RAD51B: variants seen among roughly 807,000 people sequenced by gnomAD.
The protein encoded by RAD51B is DNA repair protein RAD51 homolog 2.
RAD51B carries 38 observed loss-of-function variants against 42.2 expected under a neutral mutation model. That is an observed-to-expected ratio of 0.90 (90% CI 0.70 to 1.18). The LOEUF (loss-of-function observed/expected upper bound fraction) is 1.18, where lower values mean the gene tolerates loss of function less well. Ranked by LOEUF, RAD51B falls within the 50% of genes most tolerant of loss-of-function variation. The pLI is 0.00. For synonymous variants in RAD51B, 154 were observed against 145.2 expected (o/e 1.06, Z -0.43); for missense variants, 373 against 400.7 (o/e 0.93, Z 0.59).
intron 7 of RAD51B, among the ~76,000 whole-genome samples, chr14:68,245,310 G>A (rs1488402837): frequency 6.6e-6 from 1 of 152,222 alleles, no homozygotes; most frequent in Non-Finnish European, 1.5e-5. Flanking sequence ...GAGTCAAATA[G>A]ACTTGCAACT....
At chr14:68,542,948 T>G (rs954197716) in intron 10 of RAD51B, among the ~76,000 whole-genome samples, 6 of 152,222 alleles carry the variant, frequency 3.9e-5, no homozygotes, top group African/African-American at 1.2e-4. Flanking sequence ...CTTTAATAAC[T>G]CCATTCTTTT....
At chr14:68,595,546 G>A in exon 11 of RAD51B, 1 of 1,066,686 alleles carries the variant, frequency 9.4e-7, no homozygotes, top group Non-Finnish European at 1.1e-6. Context: ...CCCATCAAAT[G>A]ACCAATGGCT....
At chr14:68,185,104 T>C (rs2079131472) in intron 7 of RAD51B, among the ~76,000 whole-genome samples, 1 of 152,168 alleles carries the variant, frequency 6.6e-6, no homozygotes, top group Non-Finnish European at 1.5e-5. Flanking sequence ...TCCTTTTGTA[T>C]TTACTACTTC....
intron 7 of RAD51B, among the ~76,000 whole-genome samples, chr14:68,019,294 G>A (rs1170139260): frequency 3.9e-5 from 6 of 152,176 alleles, no homozygotes; most frequent in African/African-American, 1.4e-4. Context: ...TGCTAGAATG[G>A]TGGCAGTGGC....
At chr14:68,199,984 G>T (rs548560707) in intron 7 of RAD51B, among the ~76,000 whole-genome samples, 90 of 152,304 alleles carry the variant, frequency 5.9e-4, no homozygotes, top group Non-Finnish European at 1.1e-3. Context: ...ACAGAAGTGG[G>T]AGTACCCTTT....
At chr14:68,081,012 T>G (rs1419894302) in intron 7 of RAD51B, among the ~76,000 whole-genome samples, 1 of 151,954 alleles carries the variant, frequency 6.6e-6, no homozygotes, top group Non-Finnish European at 1.5e-5. Flanking sequence ...ATGTAGGGAG[T>G]CCAGTGAGAG....
At chr14:68,536,588 T>C (rs1198386036) in intron 10 of RAD51B, among the ~76,000 whole-genome samples, 1 of 152,226 alleles carries the variant, frequency 6.6e-6, no homozygotes, top group Non-Finnish European at 1.5e-5. Context: ...CATAAATGTT[T>C]CCTGGTAGCT....
Position 68,414,129 on chromosome 14 carries a change from G to C in RAD51B, c.957+2602G>C, listed in dbSNP as rs555269716. ...CAGACCTTCAAGCCGATTAACCCAA[G>C]AGCTGAATTGTGTTGTCTGAGGGAA... On this transcript the variant is annotated intron_variant, in intron 9 of 10. Transcript: ENST00000471583. Among the ~76,000 whole-genome samples, 7 of 152,284 alleles carry C rather than the reference G, an allele frequency of 4.6e-5. No homozygotes were observed. The East Asian group carries it at 1.3e-3, about 29-fold the overall frequency.
At chr14:68,250,975 G>T (rs1443136553) in intron 7 of RAD51B, among the ~76,000 whole-genome samples, 1 of 152,180 alleles carries the variant, frequency 6.6e-6, no homozygotes, top group Non-Finnish European at 1.5e-5. Context: ...ATGTCCTTCA[G>T]TGTCAGTTTA....
intron 10 of RAD51B, among the ~76,000 whole-genome samples, chr14:68,590,906 C>T (rs1595005886): frequency 2.0e-5 from 3 of 152,252 alleles, no homozygotes; most frequent in Admixed American, 2.0e-4. Context: ...CATGGAGGGG[C>T]CTTTATAGAT....
intron 10 of RAD51B, chr14:68,545,520 A>G (rs1217388000): frequency 2.2e-6 from 1 of 455,794 alleles, no homozygotes; most frequent in Non-Finnish European, 4.4e-6. Flanking sequence ...TTAACTGTCT[A>G]GCAGGAAAGA....
chr14:68,529,145 G>A (rs1169151548), intron 10 of RAD51B, among the ~76,000 whole-genome samples: 9 of 152,224 alleles, frequency 5.9e-5, no homozygotes, highest in Admixed American at 5.9e-4. Flanking sequence ...AAGTGCAGTG[G>A]ATTACTGGGG....
At chr14:68,622,423 T>A (rs753970481) in intron 10 of RAD51B, among the ~76,000 whole-genome samples, 6 of 152,066 alleles carry the variant, frequency 3.9e-5, no homozygotes, top group African/African-American at 1.4e-4. Context: ...CAAATATGGA[T>A]CAAGTAATTA....
chr14:67,998,003 A>G (rs1371385142), intron 7 of RAD51B, among the ~76,000 whole-genome samples: 1 of 152,220 alleles, frequency 6.6e-6, no homozygotes, highest in Non-Finnish European at 1.5e-5. Flanking sequence ...GTGGATCAGT[A>G]CAACCCTTTT....
Position 67,839,603 on chromosome 14 carries a change from A to G in RAD51B, c.315+4407A>G, listed in dbSNP as rs184980623. 2.1e-4 allele frequency among the ~76,000 whole-genome samples: 32 copies of G among 151,780 alleles called. No individual in the cohort carries two copies. The East Asian group carries it at 6.2e-3, about 29-fold the overall frequency. On this transcript the variant is annotated intron_variant, in intron 4 of 10. Coordinates refer to ENST00000471583, the MANE Select transcript of RAD51B (RefSeq NM_133510.4). ...AATCTTGTCAGAAGTTTGAGTATGT[A>G]TGTCATCATTTTAAAGAACTCTGCA...
intron 7 of RAD51B, among the ~76,000 whole-genome samples, chr14:68,060,729 A>G (rs891586576): frequency 3.3e-5 from 5 of 152,212 alleles, no homozygotes; most frequent in African/African-American, 9.6e-5. Context: ...GTAACGTAAT[A>G]GGGGAAAAAA....
intron 7 of RAD51B, among the ~76,000 whole-genome samples, chr14:68,219,785 A>G (rs775051438): frequency 6.6e-6 from 1 of 152,098 alleles, no homozygotes; most frequent in Non-Finnish European, 1.5e-5. Flanking sequence ...GTTCTTTAAC[A>G]CCCCCAAAAG....
At chr14:68,317,342 G>A (rs1252560214) in intron 8 of RAD51B, among the ~76,000 whole-genome samples, 1 of 151,972 alleles carries the variant, frequency 6.6e-6, no homozygotes, top group Non-Finnish European at 1.5e-5. Flanking sequence ...TTCAAGTACT[G>A]TGTTAGGTAC....
At chr14:68,018,503 C>T (rs191301030) in intron 7 of RAD51B, among the ~76,000 whole-genome samples, 12 of 152,154 alleles carry the variant, frequency 7.9e-5, no homozygotes, top group Non-Finnish European at 1.5e-5. Flanking sequence ...TTGGTGTGGG[C>T]GAGTTTCAAC....
Sources: allele counts gnomAD v4.1 joint callset (sites outside exome capture counted in the v4.1 genomes callset), GRCh38; gene constraint gnomAD v4.1.1; transcripts MANE v1.5; gene names NCBI Gene and HGNC (gene_info 2026-07-23, HGNC 2026-07-21).